The following DVL1 variants were observed in gnomAD, a reference collection of about 807,000 sequenced individuals.
DVL1 encodes the protein segment polarity protein dishevelled homolog DVL-1.
A neutral mutation model predicts 65.0 loss-of-function variants in DVL1; 49 were observed. The ratio of observed to expected loss-of-function variants is 0.75; its 90% CI spans 0.60 to 0.96. The LOEUF is 0.96. DVL1 is among the 40% of genes least tolerant of loss of function. The pLI, the probability that DVL1 is intolerant of heterozygous loss-of-function variation, is 0.00. For synonymous variants in DVL1, 608 were observed against 433.9 expected (o/e 1.40, Z -4.99); for missense variants, 1,197 against 1,045.4 (o/e 1.15, Z -2.00).
At chr1:1,340,337 G>C in intron 6 of DVL1, 21 bp from the exon 7 acceptor site, 2 of 1,613,922 alleles carry the variant, frequency 1.2e-6, no homozygotes, top group African/African-American at 1.3e-5. Context: ...GAGGGGGCGT[G>C]TGTAAAAGGC....
chr1:1,343,915 A>AC (rs1246164308), intron 1 of DVL1, among the ~76,000 whole-genome samples: 1 of 152,016 alleles, frequency 6.6e-6, no homozygotes, highest in Non-Finnish European at 1.5e-5. Context: ...TCACCAGTCC[A>AC]CCCCCAGGTC....
At chr1:1,339,520 G>A (rs770720741) in intron 10 of DVL1, 62 bp downstream of exon 10, 17 of 1,554,642 alleles carry the variant, frequency 1.1e-5, no homozygotes, top group African/African-American at 8.2e-5. Context: ...GAGGAGAGAG[G>A]CCTTCAGGCT....
At position 1,344,658 on chromosome 1, in the gene DVL1, C is replaced by A. The variant is rs1175536810; in HGVS notation, c.171-1900G>T. ...CAGACCCCTCCACGTCTGCTGCCCC[C>A]ACACAGGAGCCTTCCCAGGTAAGAC... On this transcript the variant is annotated intron_variant, in intron 1 of 14. Coordinates refer to ENST00000378888, the MANE Select transcript of DVL1 (RefSeq NM_001330311.2). Among the ~76,000 whole-genome samples, 7 of 152,194 alleles carry A rather than the reference C, an allele frequency of 4.6e-5. No individual in the cohort carries two copies. In the East Asian group the frequency reaches 9.6e-4, roughly 21 times the overall value.
chr1:1,340,358 CCG>C, intron 6 of DVL1, 42 bp from the exon 7 acceptor site: 1 of 1,613,676 alleles, frequency 6.2e-7, no homozygotes, highest in Non-Finnish European at 8.5e-7. Flanking sequence ...ACGGGGCTGC[CCG>C]ACACTGACTT....
At chr1:1,348,658 C>A (rs1643960783) in intron 1 of DVL1, among the ~76,000 whole-genome samples, 2 of 152,142 alleles carry the variant, frequency 1.3e-5, no homozygotes, top group Non-Finnish European at 2.9e-5. Context: ...GACTCGGGGC[C>A]GGGAAGCTGG....
At chr1:1,348,829 T>C (rs1643966617) in intron 1 of DVL1, 67 bp downstream of exon 1, 2 of 1,363,096 alleles carry the variant, frequency 1.5e-6, no homozygotes, top group South Asian at 1.5e-5. Context: ...CCCCGCCCCG[T>C]CCCCGCGCGG....
At chr1:1,338,229 T>TGGCCCCCCCCCCCCCCCCCCAGC in intron 13 of DVL1, 40 bp downstream of exon 13, 1 of 1,522,372 alleles carries the variant, frequency 6.6e-7, no homozygotes, top group Non-Finnish European at 9.0e-7. Context: ...CCTCCGGCGT[T>TGGCCCCCCCCCCCCCCCCCCAGC]CCCCTCCCCC....
chr1:1,342,555 ACAGGGGGCCAG>A (rs1348179769), intron 2 of DVL1, 71 bp from the exon 3 acceptor site: 1 of 1,579,152 alleles, frequency 6.3e-7, no homozygotes, highest in Non-Finnish European at 8.6e-7. Context: ...CACCCAGGGA[ACAGGGGGCCAG>A]CAAGCTGCCC....
intron 1 of DVL1, among the ~76,000 whole-genome samples, chr1:1,348,675 G>C (rs1444978645): frequency 6.6e-6 from 1 of 152,162 alleles, no homozygotes; most frequent in East Asian, 1.9e-4. Flanking sequence ...CTGGGGCCAG[G>C]GACGCCGGGA....
Position 1,340,240 on chromosome 1 carries a change from G to C in DVL1, c.769+7C>G. On this transcript the variant is annotated splice_region_variant and intron_variant, in intron 7 of 14. Coordinates refer to ENST00000378888, the MANE Select transcript of DVL1 (RefSeq NM_001330311.2). ...CCCTGCCCCCAACCCTCGCCCCGAG[G>C]CCTCACCCATGTTGAGCGTGACAGT... 2 of 1,613,952 alleles carry C rather than the reference G, an allele frequency of 1.2e-6. No homozygotes were observed. Among genetic ancestry groups the C allele is most frequent in the Non-Finnish European group, 1.7e-6 (2 of 1,179,994 alleles).
rs753835995 is a variant in DVL1 at position 1,338,598 on chromosome 1, G to T, written c.1263C>A (p.Val421=). Reference sequence around the variant, plus strand: ...CCAGTCCCGAGTCTGGCAGCTGCATGACCCGGACGACGGCGCTCATGTCAC... The same window carrying T: ...CCAGTCCCGAGTCTGGCAGCTGCATTACCCGGACGACGGCGCTCATGTCAC... ...VKSDMSAVVR[V]MQLPDSGLEI... The change falls in exon 12 of 15, where the codon GTC becomes GTA. Residue 421 remains valine (V), a synonymous_variant. Transcript: ENST00000378888. 6.2e-7 allele frequency: 1 copy of T among 1,612,242 alleles called. No homozygotes were observed. The highest frequency in any genetic ancestry group is 1.7e-5 in the Admixed American group (1 of 60,008).
In DVL1 at chr1:1,339,565, C is replaced by A. The variant is rs771897513; in HGVS notation, c.1054+17G>T. The A allele has an allele frequency of 1.3e-6, 2 of 1,598,454 alleles. No individual in the cohort carries two copies. Among genetic ancestry groups the A allele is most frequent in the Non-Finnish European group, 1.7e-6 (2 of 1,172,998 alleles). ...CCCCCTCCCCATCCCGCCCCGTGTG[C>A]CCCGAGGGCCACTCACCCCGTGGGA... On this transcript the variant is annotated intron_variant, in intron 10 of 14. Transcript: ENST00000378888.
intron 5 of DVL1, among the ~76,000 whole-genome samples, chr1:1,341,362 G>A (rs999019182): frequency 2.7e-4 from 41 of 152,052 alleles, no homozygotes; most frequent in Admixed American, 2.3e-3. Context: ...TACATGCACA[G>A]ACACATCCGC....
chr1:1,339,607 G>C lies in DVL1; in HGVS notation c.1029C>G (p.Pro343=). The part of the protein sequence containing the change: ...LTVAKCWDPT[P]RSYFTVPRAD... ...CCCGTGGGACGGTGAAGTAGCTTCGGGGCGTTGGGTCCCAGCACTTGGCCA... is the reference window on the plus strand; with the variant it reads ...CCCGTGGGACGGTGAAGTAGCTTCGCGGCGTTGGGTCCCAGCACTTGGCCA... Residue 343 remains proline (P), a synonymous_variant, in exon 10 of 15, where the codon CCC becomes CCG. Transcript: ENST00000378888. 7 of 1,607,616 alleles carry C rather than the reference G, an allele frequency of 4.4e-6. No individual in the cohort carries two copies. The highest frequency in any genetic ancestry group is 1.7e-4 in the Middle Eastern group (1 of 6,032).
In DVL1 at chr1:1,342,139, C is replaced by T; in HGVS notation, c.380G>A (p.Ser127Asn). Residue 127 changes from serine to asparagine, a missense_variant, in exon 4 of 15, where the codon AGC (serine) becomes AAC (asparagine). Physicochemically the swap from Ser to Asn is conservative, Grantham distance 46 (BLOSUM62 1). Coordinates refer to ENST00000378888, the MANE Select transcript of DVL1 (RefSeq NM_001330311.2). ...PPSFHPNVASSRDGMDNETGT... is the reference protein window; with the variant it reads ...PPSFHPNVASNRDGMDNETGT... ...TGTCTCGTTGTCCATCCCGTCACGG[C>T]TGCTGGCCACATTTGGGCTGTGCAA... 6.3e-7 allele frequency: 1 copy of T among 1,576,784 alleles called. No homozygotes were observed.
chr1:1,338,517 C>G lies in DVL1; in HGVS notation c.1339+5G>C, dbSNP rs1643670068. ...CACTATCCGCCCGCGGGGACGGCCACTCACCGATGACGGCATTGGCGATGG... is the reference window on the plus strand; with the variant it reads ...CACTATCCGCCCGCGGGGACGGCCAGTCACCGATGACGGCATTGGCGATGG... On this transcript the variant is annotated splice_donor_5th_base_variant and intron_variant, in intron 12 of 14. Coordinates refer to ENST00000378888, the MANE Select transcript of DVL1 (RefSeq NM_001330311.2). 1 of 1,612,162 alleles carries G rather than the reference C, an allele frequency of 6.2e-7. No homozygotes were observed. Among genetic ancestry groups the G allele is most frequent in the Non-Finnish European group, 8.5e-7 (1 of 1,179,626 alleles).
rs375584920 is a variant in DVL1 at position 1,338,042 on chromosome 1, G to A, written c.1649C>T (p.Pro550Leu). The change falls in exon 14 of 15, where the codon CCG becomes CTG. Residue 550 changes from proline to leucine, a missense_variant. By Grantham distance (98) the Pro-to-Leu change is moderately conservative. Transcript: ENST00000378888. The part of the protein sequence containing the change: ...YQYPGPPPCF[P>L]PAYQDPGFSY... ...AAAGCCCGGGTCCTGGTAGGCAGGC[G>A]GGAAGCAGGGTGGGGGTCCCGGGTA... 8.7e-6 allele frequency: 14 copies of A among 1,611,712 alleles called. No individual in the cohort carries two copies. The highest frequency in any genetic ancestry group is 6.6e-5 in the South Asian group (6 of 91,014).
In DVL1 at chr1:1,338,344, C is replaced by G; in HGVS notation, c.1432G>C (p.Gly478Arg). The G allele has an allele frequency of 1.2e-6, 2 of 1,612,724 alleles. No homozygotes were observed. The highest frequency in any genetic ancestry group is 1.7e-6 in the Non-Finnish European group (2 of 1,179,854). ...TTGTTGACCGTGTGCCGCAGGAAGC[C>G]GTGCTTCAGCAAGCTGCTGGCGTAC... ...RKYASSLLKH[G>R]FLRHTVNKIT... The change falls in exon 13 of 15, where the codon GGC becomes CGC. Residue 478 changes from glycine to arginine, a missense_variant. Transcript: ENST00000378888.
Position 1,336,098 on chromosome 1 carries a change from C to A in DVL1, c.*44G>T. On this transcript the variant is annotated 3_prime_UTR_variant, in exon 15 of 15. Transcript: ENST00000378888. ...ACGCGAGCTCTGCATGCGGCAGGACCGCCAGCTCCCCACCTCAGGCAGGGC... is the reference window on the plus strand; with the variant it reads ...ACGCGAGCTCTGCATGCGGCAGGACAGCCAGCTCCCCACCTCAGGCAGGGC... 1 of 1,553,272 alleles carries A rather than the reference C, an allele frequency of 6.4e-7. No homozygotes were observed. Among genetic ancestry groups the A allele is most frequent in the Non-Finnish European group, 8.6e-7 (1 of 1,156,100 alleles).
Sources: gnomAD v4.1 joint callset for allele counts (sites outside exome capture counted in the v4.1 genomes callset) on GRCh38, gnomAD v4.1.1 for gene constraint, MANE v1.5 for transcripts, NCBI Gene and HGNC (gene_info 2026-07-23, HGNC 2026-07-21) for gene names.